Variants in KLRD1 observed in about 807,000 individuals in gnomAD.
KLRD1 encodes killer cell lectin like receptor D1.
A neutral mutation model predicts 22.6 loss-of-function variants in KLRD1; 21 were observed. The ratio of observed to expected loss-of-function variants is 0.93; its 90% confidence interval spans 0.66 to 1.34. The LOEUF is 1.34. Among genes scored for constraint, KLRD1 ranks in the 40% most tolerant of loss-of-function variants. The pLI is 0.00. For missense variants in KLRD1, 183 were observed against 208.6 expected (o/e 0.88, Z 0.76); for synonymous variants, 59 against 71.1 (o/e 0.83, Z 0.85).
intron 1 of KLRD1, among the ~76,000 whole-genome samples, chr12:10,239,434 T>TTCCTTTCCTTCCTTCCTTCCTTCCTTCC (rs59390706): frequency 2.4e-5 from 1 of 41,402 alleles, no homozygotes; most frequent in African/African-American, 8.1e-5. Flanking sequence ...CCTTCCTTCC[T>TTCCTTTCCTTCCTTCCTTCCTTCCTTCC]TTCCTTCCTT....
At chr12:10,313,368 G>C (rs1234115508) in intron 4 of KLRD1, 42 bp from the exon 5 acceptor site, 2 of 1,188,426 alleles carry the variant, frequency 1.7e-6, no homozygotes, top group East Asian at 2.4e-5. Context: ...TCCCAGAATA[G>C]ATTAAAATTA....
chr12:10,307,150 A>G (rs1949944304), upstream of KLRD1, among the ~76,000 whole-genome samples: 1 of 152,216 alleles, frequency 6.6e-6, no homozygotes, highest in Non-Finnish European at 1.5e-5. Flanking sequence ...CTGTAGATGA[A>G]AAAGTGTATA....
chr12:10,291,207 G>A (rs980379818), intron 1 of KLRD1, among the ~76,000 whole-genome samples: 1 of 152,198 alleles, frequency 6.6e-6, no homozygotes, highest in Non-Finnish European at 1.5e-5. Context: ...GTCTGTTTCT[G>A]TTTCTGGTGG....
At chr12:10,254,488 G>C (rs916946958) in intron 1 of KLRD1, among the ~76,000 whole-genome samples, 1 of 150,942 alleles carries the variant, frequency 6.6e-6, no homozygotes, top group Non-Finnish European at 1.5e-5. Flanking sequence ...GTACAGACTG[G>C]GAGAAAATAT....
chr12:10,310,350 C>G (rs1002978966), intron 3 of KLRD1, among the ~76,000 whole-genome samples: 1 of 152,194 alleles, frequency 6.6e-6, no homozygotes, highest in Non-Finnish European at 1.5e-5. Flanking sequence ...GAACTCCTGA[C>G]CTCAGGTCAT....
At chr12:10,248,644 C>G (rs1949317149) in intron 1 of KLRD1, among the ~76,000 whole-genome samples, 1 of 146,066 alleles carries the variant, frequency 6.8e-6, no homozygotes, top group Non-Finnish European at 1.5e-5. Flanking sequence ...GTTGCCCAGG[C>G]TGGAGTGCAA....
intron 1 of KLRD1, among the ~76,000 whole-genome samples, chr12:10,279,134 C>T (rs985028435): frequency 6.6e-6 from 1 of 151,924 alleles, no homozygotes; most frequent in African/African-American, 2.4e-5. Flanking sequence ...TTTTGATCCT[C>T]ACCCTCCTTC....
chr12:10,289,476 T>C (rs538452088), intron 1 of KLRD1, among the ~76,000 whole-genome samples: 1 of 152,392 alleles, frequency 6.6e-6, no homozygotes, highest in South Asian at 2.1e-4. Context: ...ATTCAAAATG[T>C]ATGTTGCTAA....
In KLRD1 at chr12:10,321,965, G is replaced by A. The variant is rs568647309; in HGVS notation, c.*7172G>A. 1 of 152,330 alleles carries A rather than the reference G, an allele frequency of 6.6e-6. No individual in the cohort carries two copies. The highest frequency in any genetic ancestry group is 6.5e-5 in the Admixed American group (1 of 15,308). The allele number at this position is 152,330 out of a possible 1,614,324, so 9.4% of individuals were successfully genotyped here. A position where few individuals can be genotyped will look rare whatever the true frequency, so the allele number is the denominator to read the frequency against. On this transcript the variant is annotated 3_prime_UTR_variant, in exon 6 of 6. Coordinates refer to ENST00000336164, the MANE Select transcript of KLRD1 (RefSeq NM_002262.5). ...GAAGTGAAATATTTTGTTGTTTTAA[G>A]CTTACGAGTTTGAGGATAATTTGTT... is the stretch of plus-strand genomic sequence containing the variant.
At chr12:10,268,231 AT>A (rs1949517390) in intron 1 of KLRD1, among the ~76,000 whole-genome samples, 1 of 152,202 alleles carries the variant, frequency 6.6e-6, no homozygotes, top group Non-Finnish European at 1.5e-5. Context: ...GAGCCGAGAT[AT>A]TCAGTGGCTG....
In KLRD1 at chr12:10,327,988, T is replaced by C. The variant is rs1950376208; in HGVS notation, c.*13195T>C. ...TTAATTGATTTTGTATGTTAGGCTA[T>C]CCTTGCACCCCAGGGATAAATGCCA... On this transcript the variant is annotated 3_prime_UTR_variant, in exon 6 of 6. Transcript: ENST00000336164. 6.6e-6 allele frequency: 1 copy of C among 152,192 alleles called. No individual in the cohort carries two copies. Among genetic ancestry groups the C allele is most frequent in the East Asian group, 1.9e-4 (1 of 5,208 alleles). 9.4% of individuals were successfully genotyped at this position (152,192 alleles called of 1,614,324 possible).
intron 1 of KLRD1, among the ~76,000 whole-genome samples, chr12:10,294,544 C>T (rs1949804844): frequency 1.4e-4 from 1 of 7,178 alleles, no homozygotes; most frequent in Admixed American, 3.0e-3. Context: ...GACTACAGGC[C>T]CATGCCACCA....
chr12:10,302,804 T>C (rs1247617563), upstream of KLRD1, among the ~76,000 whole-genome samples: 1 of 151,138 alleles, frequency 6.6e-6, no homozygotes, highest in Non-Finnish European at 1.5e-5. Context: ...ACTTCTACAA[T>C]ATTGATGCTA....
intron 1 of KLRD1, among the ~76,000 whole-genome samples, chr12:10,252,205 T>C (rs1222236927): frequency 2.0e-5 from 3 of 152,130 alleles, no homozygotes; most frequent in Admixed American, 6.5e-5. Flanking sequence ...GGGAGGCTGA[T>C]GTAGGTGAAT....
intron 1 of KLRD1, among the ~76,000 whole-genome samples, chr12:10,264,118 T>G (rs1307681872): frequency 6.6e-6 from 1 of 152,160 alleles, no homozygotes; most frequent in African/African-American, 2.4e-5. Flanking sequence ...TTCTTGTTTA[T>G]TTAGCATTTC....
chr12:10,319,446 C>T lies in KLRD1; in HGVS notation c.*4653C>T, dbSNP rs1199266415. Reference sequence around the variant, plus strand: ...TACATGCCTTGGTGGAATTTCTTTCCACATTGTATCAAGGTTGCTCTGTGT... The same window carrying T: ...TACATGCCTTGGTGGAATTTCTTTCTACATTGTATCAAGGTTGCTCTGTGT... On this transcript the variant is annotated 3_prime_UTR_variant, in exon 6 of 6. Coordinates refer to ENST00000336164, the MANE Select transcript of KLRD1 (RefSeq NM_002262.5). The T allele has an allele frequency of 6.6e-6, 1 of 152,144 alleles. No homozygotes were observed. Among genetic ancestry groups the T allele is most frequent in the Non-Finnish European group, 1.5e-5 (1 of 68,024 alleles). The allele number at this position is 152,144 out of a possible 1,614,324, so 9.4% of individuals were successfully genotyped here.
intron 1 of KLRD1, among the ~76,000 whole-genome samples, chr12:10,283,022 A>T (rs575687461): frequency 1.3e-5 from 2 of 152,378 alleles, no homozygotes; most frequent in South Asian, 4.1e-4. Context: ...AGGAAAACAA[A>T]TTCTGTGCCA....
At chr12:10,255,107 G>A (rs868390957) in intron 1 of KLRD1, among the ~76,000 whole-genome samples, 2 of 132,430 alleles carry the variant, frequency 1.5e-5, no homozygotes, top group African/African-American at 5.7e-5. Context: ...ATGCTGGTGA[G>A]GATGCAGAGA....
intron 1 of KLRD1, among the ~76,000 whole-genome samples, chr12:10,256,330 G>A (rs1949394567): frequency 6.6e-6 from 1 of 151,062 alleles, no homozygotes; most frequent in Admixed American, 6.6e-5. Flanking sequence ...TGATGGGGAA[G>A]GACTTATATT....
Sources: allele counts gnomAD v4.1 joint callset (sites outside exome capture counted in the v4.1 genomes callset), GRCh38; gene constraint gnomAD v4.1.1; transcripts MANE v1.5; gene names NCBI Gene and HGNC (gene_info 2026-07-23, HGNC 2026-07-21).